KANK1: variants seen among roughly 807,000 people sequenced by gnomAD.
The protein encoded by KANK1 is KN motif and ankyrin repeat domains 1, also known as KN motif and ankyrin repeat domain-containing protein 1.
In KANK1, 109 loss-of-function variants were observed where a neutral mutation model predicts 106.2. That is an observed-to-expected ratio of 1.03 (90% CI 0.88 to 1.20). The LOEUF (loss-of-function observed/expected upper bound fraction) is 1.20. KANK1 is among the 50% of genes most tolerant of loss of function. The pLI is 0.00. For missense variants in KANK1, 2,399 were observed against 1,710.7 expected, an observed-to-expected ratio of 1.40 and a Z score of -7.10; for synonymous variants, 873 against 652.2, an observed-to-expected ratio of 1.34 and a Z score of -5.16.
At chr9:587,801 C>G (rs913095384) in intron 1 of KANK1, among the ~76,000 whole-genome samples, 2 of 152,166 alleles carry the variant, frequency 1.3e-5, no homozygotes, top group African/African-American at 4.8e-5. Flanking sequence ...CACAGTGGCT[C>G]ACTCCTGTAA....
chr9:552,561 G>C (rs567313686), intron 1 of KANK1, among the ~76,000 whole-genome samples: 1 of 152,152 alleles, frequency 6.6e-6, no homozygotes, highest in Non-Finnish European at 1.5e-5. Flanking sequence ...CTGCACAAAG[G>C]AAGGGAACTG....
chr9:601,571 A>G (rs1221505489), intron 1 of KANK1, among the ~76,000 whole-genome samples: 1 of 151,870 alleles, frequency 6.6e-6, no homozygotes, highest in Non-Finnish European at 1.5e-5. Context: ...ATTGCCTCAT[A>G]ACTGGTTACT....
At chr9:706,942 T>C (rs1333043890) in intron 2 of KANK1, 30 of 985,334 alleles carry the variant, frequency 3.0e-5, no homozygotes, top group Non-Finnish European at 2.3e-5. Context: ...TATTTAAAAA[T>C]CAGCTGGCAA....
At chr9:701,344 T>C (rs1448275547) in intron 2 of KANK1, among the ~76,000 whole-genome samples, 1 of 152,176 alleles carries the variant, frequency 6.6e-6, no homozygotes, top group African/African-American at 2.4e-5. Flanking sequence ...CCTCAGGTGA[T>C]CCAGCCGCCT....
chr9:501,997 C>G (rs894497571), upstream of KANK1, among the ~76,000 whole-genome samples: 1 of 152,188 alleles, frequency 6.6e-6, no homozygotes, highest in South Asian at 2.1e-4. Flanking sequence ...ATTCTATCAT[C>G]AGTAAATGGT....
At chr9:573,899 G>A (rs1372192899) in intron 1 of KANK1, among the ~76,000 whole-genome samples, 1 of 152,194 alleles carries the variant, frequency 6.6e-6, no homozygotes, top group Non-Finnish European at 1.5e-5. Context: ...GATGAACAGG[G>A]CACTTTTTGT....
At chr9:590,585 T>A (rs917208668) in intron 1 of KANK1, among the ~76,000 whole-genome samples, 3 of 151,966 alleles carry the variant, frequency 2.0e-5, no homozygotes, top group African/African-American at 7.3e-5. Context: ...AAAGACCTGT[T>A]AAAAATATGT....
intron 3 of KANK1, chr9:495,567 C>G (rs2058445577): frequency 6.6e-6 from 1 of 152,134 alleles, no homozygotes; most frequent in South Asian, 2.1e-4. Context: ...GGCAGCTGCA[C>G]TTCATATATC....
chr9:658,270 C>T (rs553683378), intron 1 of KANK1, among the ~76,000 whole-genome samples: 3 of 152,206 alleles, frequency 2.0e-5, no homozygotes, highest in Admixed American at 6.5e-5. Flanking sequence ...TTATTTTACT[C>T]ATCCGCTTAA....
chr9:698,540 G>A (rs1297978553), intron 2 of KANK1, among the ~76,000 whole-genome samples: 2 of 152,058 alleles, frequency 1.3e-5, no homozygotes, highest in East Asian at 1.9e-4. Flanking sequence ...CCCAGAGACC[G>A]GATCCTGGTC....
chr9:738,641 C>T, intron 8 of KANK1, 137 bp downstream of exon 8: 1 of 685,892 alleles, frequency 1.5e-6, no homozygotes, highest in Non-Finnish European at 2.5e-6. Context: ...CATGACATGG[C>T]AAGAATTTTC....
At chr9:504,161 C>A (rs1424879887), upstream of KANK1, among the ~76,000 whole-genome samples, 1 of 152,178 alleles carries the variant, frequency 6.6e-6, no homozygotes, top group South Asian at 2.1e-4. Context: ...AGCAGGCCAG[C>A]CTCGTTGCCA....
chr9:559,823 GC>G (rs1242247443), intron 1 of KANK1, among the ~76,000 whole-genome samples: 1 of 152,096 alleles, frequency 6.6e-6, no homozygotes, highest in African/African-American at 2.4e-5. Context: ...TCTACCATGT[GC>G]CCCAGTCTTA....
chr9:662,564 A>G (rs1227841155), intron 1 of KANK1, among the ~76,000 whole-genome samples: 1 of 114,286 alleles, frequency 8.7e-6, no homozygotes, highest in African/African-American at 3.3e-5. Flanking sequence ...ACAAGAAATG[A>G]AGAAAGCATT....
At chr9:494,861 G>A (rs1398501951) in intron 3 of KANK1, among the ~76,000 whole-genome samples, 1 of 151,972 alleles carries the variant, frequency 6.6e-6, no homozygotes, top group Non-Finnish European at 1.5e-5. Context: ...GCTGGGCAGT[G>A]TAGTGAAAGT....
chr9:561,283 A>G (rs938498823), intron 1 of KANK1, among the ~76,000 whole-genome samples: 1 of 152,224 alleles, frequency 6.6e-6, no homozygotes, highest in Admixed American at 6.5e-5. Flanking sequence ...CATAAAATGG[A>G]TATCATATAC....
chr9:664,246 C>A (rs566100564), intron 1 of KANK1, among the ~76,000 whole-genome samples: 3 of 152,068 alleles, frequency 2.0e-5, no homozygotes, highest in African/African-American at 7.2e-5. Flanking sequence ...TCCCAGCCTC[C>A]GGTAACCACT....
chr9:614,485 C>G (rs16921144), intron 1 of KANK1, among the ~76,000 whole-genome samples: 39,287 of 152,026 alleles, frequency 0.26, 5,268 homozygotes, highest in Admixed American at 0.34. Flanking sequence ...CATATCTTGG[C>G]TGACACTGAT....
At chr9:635,722 G>A (rs537057767) in intron 1 of KANK1, among the ~76,000 whole-genome samples, 125 of 110,610 alleles carry the variant, frequency 1.1e-3, no homozygotes, top group African/African-American at 4.0e-3. Flanking sequence ...TTTTTGAGAC[G>A]GAGTCTTACT....
Sources: allele counts gnomAD v4.1 joint callset (sites outside exome capture counted in the v4.1 genomes callset), GRCh38; gene constraint gnomAD v4.1.1; transcripts MANE v1.5; gene names NCBI Gene and HGNC (gene_info 2026-07-23, HGNC 2026-07-21).